Variants in TDRD3 observed in about 807,000 individuals in gnomAD.
The protein encoded by TDRD3 is tudor domain containing 3.
In TDRD3, 45 loss-of-function variants were observed where a neutral mutation model predicts 86.7. That is an observed-to-expected ratio of 0.52 (90% CI 0.41 to 0.67). TDRD3 has a LOEUF of 0.67. Among genes scored for constraint, TDRD3 ranks in the 30% least tolerant of loss-of-function variants. The pLI is 0.00. For synonymous variants in TDRD3, 298 were observed against 301.7 expected (o/e 0.99, Z 0.13); for missense variants, 814 against 889.0 (o/e 0.92, Z 1.07).
chr13:60,535,023 A>T, intron 11 of TDRD3, 85 bp from the exon 12 acceptor site: 2 of 1,518,020 alleles, frequency 1.3e-6, no homozygotes, highest in Non-Finnish European at 1.8e-6. Context: ...ACATTGGAAC[A>T]CTTTAAAAAT....
intron 13 of TDRD3, among the ~76,000 whole-genome samples, chr13:60,569,094 T>C (rs1008480498): frequency 1.8e-4 from 28 of 151,992 alleles, no homozygotes; most frequent in African/African-American, 6.5e-4. Flanking sequence ...TCAGCCTCCC[T>C]AGTAGCTGGG....
chr13:60,488,201 A>C lies in TDRD3; in HGVS notation c.717+2253A>C, dbSNP rs186587439. 2.7e-3 allele frequency among the ~76,000 whole-genome samples: 411 copies of C among 152,324 alleles called. 1 individual carries two copies. Among genetic ancestry groups the C allele is most frequent in the Non-Finnish European group, 4.4e-3 (297 of 68,026 alleles). On this transcript the variant is annotated intron_variant, in intron 7 of 13. Transcript: ENST00000377881. ...AAATTAGGGGTTTATATAGCAGAGA[A>C]GAAATCTATGTGCAGGAAAATAGGA...
chr13:60,528,991 GAGA>G lies in TDRD3; in HGVS notation c.1769_1771del (p.Glu590del). On this transcript the variant is annotated inframe_deletion, in exon 11 of 14. Transcript: ENST00000377881. ...AATAGTTTCATTGGTGTTCCAAATG[GAGA>G]AGTAGAAATGCCACTGAAAGGAAGA... The G allele has an allele frequency of 6.2e-7, 1 of 1,613,982 alleles. No individual in the cohort carries two copies. Among genetic ancestry groups the G allele is most frequent in the Non-Finnish European group, 8.5e-7 (1 of 1,179,948 alleles).
intron 7 of TDRD3, among the ~76,000 whole-genome samples, chr13:60,486,297 G>A (rs1397783748): frequency 3.3e-5 from 5 of 151,912 alleles, no homozygotes; most frequent in African/African-American, 4.8e-5. Context: ...ACTTTTTTGG[G>A]GATAATTTCC....
chr13:60,562,737 G>T (rs1958364364), intron 12 of TDRD3, among the ~76,000 whole-genome samples: 1 of 152,096 alleles, frequency 6.6e-6, no homozygotes. Context: ...TCTGTTAAAA[G>T]AAACAAATGA....
At chr13:60,527,954 A>G (rs1157005687) in intron 10 of TDRD3, among the ~76,000 whole-genome samples, 2 of 152,196 alleles carry the variant, frequency 1.3e-5, no homozygotes, top group Admixed American at 1.3e-4. Context: ...ATAGCTATAT[A>G]TTTCTAAATT....
intron 8 of TDRD3, among the ~76,000 whole-genome samples, chr13:60,494,873 C>T (rs1424175186): frequency 1.3e-5 from 2 of 152,030 alleles, no homozygotes; most frequent in Non-Finnish European, 2.9e-5. Flanking sequence ...TCTGTGCTTC[C>T]CCACCTTCCC....
intron 8 of TDRD3, 56 bp downstream of exon 8, chr13:60,494,631 T>C (rs1468637970): frequency 6.5e-7 from 1 of 1,532,740 alleles, no homozygotes; most frequent in East Asian, 2.3e-5. Context: ...AATGATTCTT[T>C]TATTCTTTCT....
rs1475496511 is a variant in TDRD3, at chr13:60,535,090, C to T, written c.1993-18C>T. The T allele has an allele frequency of 2.5e-6, 4 of 1,611,838 alleles. No homozygotes were observed. The highest frequency in any genetic ancestry group is 1.3e-5 in the African/African-American group (1 of 74,708). Reference sequence around the variant, plus strand: ...ACAATACCAGTTGTCATATTTAAAACTCCTTTTGCCTCCTCAGTTTTACCG... The same window carrying T: ...ACAATACCAGTTGTCATATTTAAAATTCCTTTTGCCTCCTCAGTTTTACCG... On this transcript the variant is annotated intron_variant, in intron 11 of 13. Coordinates refer to ENST00000377881, the MANE Select transcript of TDRD3 (RefSeq NM_001146070.2).
chr13:60,488,944 C>T (rs1229940056), intron 7 of TDRD3, among the ~76,000 whole-genome samples: 1 of 152,082 alleles, frequency 6.6e-6, no homozygotes, highest in Non-Finnish European at 1.5e-5. Context: ...CTTATATATT[C>T]TAGATATTAA....
At chr13:60,467,403 C>T (rs1955970303) in intron 5 of TDRD3, 24 bp downstream of exon 5, 2 of 1,606,788 alleles carry the variant, frequency 1.2e-6, no homozygotes, top group Non-Finnish European at 1.7e-6. Flanking sequence ...ATGGCTTGAA[C>T]TTTTGAAACA....
Position 60,524,548 on chromosome 13 carries a change from A to G in TDRD3, c.1142-3819A>G, listed in dbSNP as rs564179851. Among the ~76,000 whole-genome samples, 4 of 152,000 alleles carry G rather than the reference A, an allele frequency of 2.6e-5. No homozygotes were observed. In the East Asian group the frequency reaches 5.8e-4, roughly 22 times the overall value. Reference sequence around the variant, plus strand: ...AAATAAATAAAAAAAGAGAAAAGAAAAGAACGATTGCCTCTCCCACAATTT... The same window carrying G: ...AAATAAATAAAAAAAGAGAAAAGAAGAGAACGATTGCCTCTCCCACAATTT... On this transcript the variant is annotated intron_variant, in intron 10 of 13. Coordinates refer to ENST00000377881, the MANE Select transcript of TDRD3 (RefSeq NM_001146070.2).
At chr13:60,452,851 C>T (rs1212161085) in intron 3 of TDRD3, among the ~76,000 whole-genome samples, 1 of 150,410 alleles carries the variant, frequency 6.6e-6, no homozygotes, top group Non-Finnish European at 1.5e-5. Context: ...GTATATGTCT[C>T]TTATTACTGT....
chr13:60,428,690 G>A lies in TDRD3; in HGVS notation c.42-10998G>A, dbSNP rs180974390. The stretch of plus-strand genomic sequence containing the variant: ...GGAGAACATACGTCTTGAGACATAC[G>A]TCCTCGTGCATCCTGAGACAAAGCC... On this transcript the variant is annotated intron_variant, in intron 1 of 13. Coordinates refer to ENST00000377881, the MANE Select transcript of TDRD3 (RefSeq NM_001146070.2). 1.3e-3 allele frequency among the ~76,000 whole-genome samples: 201 copies of A among 152,252 alleles called. 1 individual carries two copies. The highest frequency in any genetic ancestry group is 2.2e-3 in the Non-Finnish European group (150 of 68,002).
intron 3 of TDRD3, among the ~76,000 whole-genome samples, chr13:60,458,931 T>C (rs1955739920): frequency 6.6e-6 from 1 of 152,244 alleles, no homozygotes; most frequent in African/African-American, 2.4e-5. Context: ...CTTATTTTAA[T>C]GGCATTAACA....
rs543541527 is a variant in TDRD3 at position 60,571,018 on chromosome 13, G to A, written c.*10-2598G>A. Among the ~76,000 whole-genome samples, 16 of 151,986 alleles carry A rather than the reference G, an allele frequency of 1.1e-4. No homozygotes were observed. In the South Asian group the frequency reaches 2.3e-3, roughly 22 times the overall value. On this transcript the variant is annotated intron_variant, in intron 13 of 13. Transcript: ENST00000377881. ...TGTTCCCTGAGTTAAAACTTCCATC[G>A]ACAAAATGCTTGCTTTGGATTGTAC... is the stretch of plus-strand genomic sequence containing the variant.
chr13:60,532,026 G>C (rs1229081610), intron 11 of TDRD3, among the ~76,000 whole-genome samples: 1 of 151,976 alleles, frequency 6.6e-6, no homozygotes, highest in Non-Finnish European at 1.5e-5. Context: ...TGTACTAAAA[G>C]GCCTCCAAAT....
rs573102362 is a variant in TDRD3, at chr13:60,468,319, A to G, written c.495+940A>G. ...ACGTTTTTCCATTTTTACATTATTC[A>G]TCTTGTTTTTTCTCTCCTGATCCCC... is the stretch of plus-strand genomic sequence containing the variant. On this transcript the variant is annotated intron_variant, in intron 5 of 13. Coordinates refer to ENST00000377881, the MANE Select transcript of TDRD3 (RefSeq NM_001146070.2). Among the ~76,000 whole-genome samples the G allele has an allele frequency of 1.6e-4, 24 of 152,000 alleles. No individual in the cohort carries two copies. In the South Asian group the frequency reaches 4.4e-3, roughly 28 times the overall value.
intron 7 of TDRD3, among the ~76,000 whole-genome samples, chr13:60,487,694 A>G (rs1185573793): frequency 6.6e-6 from 1 of 152,090 alleles, no homozygotes; most frequent in African/African-American, 2.4e-5. Context: ...ACTTAGGTTG[A>G]TTTCATAACT....
Sources: allele counts gnomAD v4.1 joint callset (sites outside exome capture counted in the v4.1 genomes callset), GRCh38; gene constraint gnomAD v4.1.1; transcripts MANE v1.5; gene names NCBI Gene and HGNC (gene_info 2026-07-23, HGNC 2026-07-21).